PHF21B: variants seen among roughly 807,000 people sequenced by gnomAD.
The protein encoded by PHF21B is PHD finger protein 21B.
In PHF21B, 22 loss-of-function variants were observed where a neutral mutation model predicts 62.2. The observed-to-expected ratio is 0.35, with a 90% CI of 0.25 to 0.51. The LOEUF (loss-of-function observed/expected upper bound fraction) is 0.51, where lower values mean the gene tolerates loss of function less well. Among genes scored for constraint, PHF21B ranks in the 20% least tolerant of loss-of-function variants. The pLI is 0.97. For synonymous variants in PHF21B, 341 were observed against 314.7 expected, an observed-to-expected ratio of 1.08 and a Z score of -0.88; for missense variants, 701 against 707.9, an observed-to-expected ratio of 0.99 and a Z score of 0.11.
At chr22:44,971,254 T>C (rs1196674567) in intron 2 of PHF21B, 2 of 152,216 alleles carry the variant, frequency 1.3e-5, no homozygotes, top group African/African-American at 4.8e-5. Flanking sequence ...TGAAGCCTGT[T>C]TGGCGTGAGT....
chr22:44,885,141 G>A (rs2070832922), intron 12 of PHF21B, among the ~76,000 whole-genome samples: 1 of 152,216 alleles, frequency 6.6e-6, no homozygotes, highest in Non-Finnish European at 1.5e-5. Context: ...TTCTTCCTAG[G>A]CCTTACAGGT....
chr22:44,933,399 C>T lies in PHF21B; in HGVS notation c.121-12909G>A, dbSNP rs931539968. 6.3e-6 allele frequency: 6 copies of T among 947,224 alleles called. No homozygotes were observed. In the African/African-American group the frequency reaches 1.1e-4, roughly 17 times the overall value. The allele number at this position is 947,224 out of a possible 1,614,324, so 58.7% of individuals were successfully genotyped here. A position where few individuals can be genotyped will look rare whatever the true frequency, so the allele number is the denominator to read the frequency against. On this transcript the variant is annotated intron_variant, in intron 2 of 12. Transcript: ENST00000313237. ...GTGATGGGATTACAGGCGTGAGCCA[C>T]TGCGCTCGGCCTCTTCTATTTCCTG...
At chr22:44,905,015 A>C (rs117569782) in intron 5 of PHF21B, among the ~76,000 whole-genome samples, 1 of 152,162 alleles carries the variant, frequency 6.6e-6, no homozygotes, top group Non-Finnish European at 1.5e-5. Flanking sequence ...TTTGACATGA[A>C]TCTCTAGCCT....
chr22:44,955,775 CAGG>C (rs2072284049), intron 2 of PHF21B, among the ~76,000 whole-genome samples: 1 of 152,200 alleles, frequency 6.6e-6, no homozygotes. Context: ...TCCACCATTG[CAGG>C]AGCTGGTTCC....
At chr22:44,890,357 T>C (rs918473669) in intron 8 of PHF21B, among the ~76,000 whole-genome samples, 2 of 152,356 alleles carry the variant, frequency 1.3e-5, no homozygotes, top group East Asian at 3.9e-4. Context: ...CACATTTTAA[T>C]GATCGCAAAC....
intron 2 of PHF21B, among the ~76,000 whole-genome samples, chr22:44,928,419 C>CT (rs917983908): frequency 2.6e-5 from 4 of 151,946 alleles, no homozygotes; most frequent in South Asian, 2.1e-4. Context: ...ATGAAAGGAA[C>CT]TTTTTTTTGA....
chr22:44,934,916 A>C (rs2071814432), intron 2 of PHF21B, among the ~76,000 whole-genome samples: 1 of 152,180 alleles, frequency 6.6e-6, no homozygotes, highest in Non-Finnish European at 1.5e-5. Context: ...GAAGTGTCCC[A>C]GCCCTCGCTG....
chr22:44,937,932 G>A (rs995792564), intron 2 of PHF21B, among the ~76,000 whole-genome samples: 1 of 152,266 alleles, frequency 6.6e-6, no homozygotes, highest in African/African-American at 2.4e-5. Context: ...CATCGCGCAG[G>A]TGCAGAATTT....
chr22:44,954,886 T>G (rs1236816568), intron 2 of PHF21B, among the ~76,000 whole-genome samples: 1 of 152,012 alleles, frequency 6.6e-6, no homozygotes, highest in Non-Finnish European at 1.5e-5. Context: ...TCTTGCCAGG[T>G]GGCACAGAGG....
chr22:44,976,519 T>G (rs1360507514), intron 2 of PHF21B, among the ~76,000 whole-genome samples: 1 of 152,228 alleles, frequency 6.6e-6, no homozygotes, highest in African/African-American at 2.4e-5. Context: ...AAAGCAAAAT[T>G]ACAATTCACA....
At chr22:44,892,503 C>T (rs1249478329) in intron 7 of PHF21B, among the ~76,000 whole-genome samples, 1 of 152,252 alleles carries the variant, frequency 6.6e-6, no homozygotes, top group Non-Finnish European at 1.5e-5. Context: ...GTGGCCCAGA[C>T]TAGCCCGCAC....
At chr22:44,925,001 C>A (rs989964341) in intron 2 of PHF21B, among the ~76,000 whole-genome samples, 1 of 152,106 alleles carries the variant, frequency 6.6e-6, no homozygotes, top group African/African-American at 2.4e-5. Flanking sequence ...CTGACACACA[C>A]AATATGGATG....
At chr22:44,963,271 C>T (rs2072460415) in intron 2 of PHF21B, among the ~76,000 whole-genome samples, 1 of 152,152 alleles carries the variant, frequency 6.6e-6, no homozygotes, top group African/African-American at 2.4e-5. Flanking sequence ...TGACGGAGGG[C>T]GACCCGCCAC....
At chr22:44,959,555 C>T (rs781671384) in intron 2 of PHF21B, among the ~76,000 whole-genome samples, 3 of 152,200 alleles carry the variant, frequency 2.0e-5, no homozygotes, top group Admixed American at 6.5e-5. Context: ...ACCTGGAGAC[C>T]AGTCTGTCTC....
chr22:44,903,556 G>T (rs2071197992), intron 5 of PHF21B, among the ~76,000 whole-genome samples: 1 of 152,228 alleles, frequency 6.6e-6, no homozygotes, highest in Admixed American at 6.5e-5. Flanking sequence ...CCTTCTGGAA[G>T]CTCAGCCAAG....
intron 2 of PHF21B, among the ~76,000 whole-genome samples, chr22:44,972,530 G>A (rs185651019): frequency 1.6e-3 from 237 of 152,260 alleles, no homozygotes; most frequent in Non-Finnish European, 3.2e-3. Context: ...GTTGGCGGAC[G>A]CGGCTGCTCA....
intron 2 of PHF21B, among the ~76,000 whole-genome samples, chr22:44,929,088 C>G (rs148766436): frequency 6.6e-6 from 1 of 152,248 alleles, no homozygotes; most frequent in African/African-American, 2.4e-5. Context: ...AATTGCTTCT[C>G]GAGTTGCAAT....
At chr22:44,920,785 T>G (rs573902914) in intron 2 of PHF21B, among the ~76,000 whole-genome samples, 2 of 152,388 alleles carry the variant, frequency 1.3e-5, no homozygotes, top group South Asian at 2.1e-4. Context: ...TGTTGTAACC[T>G]ATTTTTCTAC....
At chr22:44,976,543 A>G (rs1211489977) in intron 2 of PHF21B, among the ~76,000 whole-genome samples, 1 of 152,220 alleles carries the variant, frequency 6.6e-6, no homozygotes, top group East Asian at 1.9e-4. Context: ...CACAATTTAC[A>G]CAGTTGGTTT....
Sources: allele counts gnomAD v4.1 joint callset (sites outside exome capture counted in the v4.1 genomes callset), GRCh38; gene constraint gnomAD v4.1.1; transcripts MANE v1.5; gene names NCBI Gene and HGNC (gene_info 2026-07-23, HGNC 2026-07-21).